The following ICE1 variants were observed in gnomAD, a reference collection of about 807,000 sequenced individuals.
ICE1 encodes the protein little elongation complex subunit 1.
ICE1 carries 64 observed loss-of-function variants against 192.7 expected under a neutral mutation model. The observed-to-expected ratio is 0.33, with a 90% confidence interval of 0.27 to 0.41. The LOEUF is 0.41. ICE1 is among the 10% of genes least tolerant of loss of function. ICE1 has a pLI of 1.00. For synonymous variants in ICE1, 1,010 were observed against 984.5 expected, an observed-to-expected ratio of 1.03 and a Z score of -0.49; for missense variants, 2,708 against 2,696.0, an observed-to-expected ratio of 1.00 and a Z score of -0.10.
chr5:5,435,981 T>G (rs1248530851), intron 1 of ICE1, among the ~76,000 whole-genome samples: 1 of 152,130 alleles, frequency 6.6e-6, no homozygotes, highest in African/African-American at 2.4e-5. Context: ...CCTTATATAT[T>G]TTTTCACTTA....
chr5:5,428,110 A>G (rs983368873), intron 1 of ICE1, among the ~76,000 whole-genome samples: 7 of 152,068 alleles, frequency 4.6e-5, no homozygotes, highest in Non-Finnish European at 8.8e-5. Flanking sequence ...TGAAGCACAG[A>G]GTAAAGGTGG....
chr5:5,461,835 A>T lies in ICE1; in HGVS notation c.2501A>T (p.Lys834Met). 1 of 1,614,028 alleles carries T rather than the reference A, an allele frequency of 6.2e-7. No homozygotes were observed. The highest frequency in any genetic ancestry group is 1.6e-4 in the Middle Eastern group (1 of 6,062). The stretch of plus-strand genomic sequence containing the variant: ...CTACAAAATAGAGGACCAACACCCA[A>T]GCCTGATCTTCTTAGAGAAAATAAC... ...PFLQNRGPTP[K>M]PDLLRENNNP... The change falls in exon 13 of 19, where the codon AAG (lysine) becomes ATG (methionine). Residue 834 changes from lysine (K) to methionine (M), a missense_variant. This residue lies in a region of ICE1 where 2,366 missense variants were observed against 2,276.6 expected (regional missense o/e 1.04). Transcript: ENST00000296564.
intron 1 of ICE1, among the ~76,000 whole-genome samples, chr5:5,427,192 G>A (rs754346641): frequency 1.4e-4 from 21 of 152,058 alleles, no homozygotes; most frequent in African/African-American, 3.6e-4. Flanking sequence ...TCTTTTGCTC[G>A]TAGTCTCACA....
At chr5:5,445,011 C>G (rs1738169605) in intron 7 of ICE1, among the ~76,000 whole-genome samples, 1 of 152,176 alleles carries the variant, frequency 6.6e-6, no homozygotes. Flanking sequence ...GGGGCTCTGC[C>G]AGATCCATCC....
At position 5,464,390 on chromosome 5, in the gene ICE1, G is replaced by C. The variant is rs199981379; in HGVS notation, c.5056G>C (p.Glu1686Gln). 2.1e-4 allele frequency: 342 copies of C among 1,613,686 alleles called. No homozygotes were observed. The highest frequency in any genetic ancestry group is 2.6e-4 in the Non-Finnish European group (306 of 1,179,864). ...GCCTCCTGCCATGTCTCCATGGCCA[G>C]AGGACCCCAGACGTGCCTCTCCTCC... ...PVPPAMSPWP[E>Q]DPRRASPPDP... Residue 1686 changes from glutamate (E) to glutamine (Q), a missense_variant, in exon 13 of 19, where the codon GAG becomes CAG. Transcript: ENST00000296564. The surrounding 1 kb of genome is among the most constrained non-coding windows in gnomAD (Gnocchi z 4.0).
At chr5:5,441,051 C>T in intron 4 of ICE1, 61 bp from the exon 5 acceptor site, 2 of 1,029,894 alleles carry the variant, frequency 1.9e-6, no homozygotes, top group Non-Finnish European at 2.9e-6. Flanking sequence ...ATTATAAGCA[C>T]ATATATTTAA....
intron 3 of ICE1, chr5:5,437,948 T>C (rs2111343258): frequency 6.6e-6 from 1 of 152,368 alleles, no homozygotes; most frequent in East Asian, 1.9e-4. Context: ...TACCTGAACT[T>C]ACATGTCATC....
At chr5:5,455,648 A>G (rs1738561831) in intron 11 of ICE1, among the ~76,000 whole-genome samples, 1 of 152,226 alleles carries the variant, frequency 6.6e-6, no homozygotes, top group Admixed American at 6.5e-5. Context: ...GTAGAAGGGA[A>G]AACATGGTAT....
chr5:5,429,703 T>A (rs1440928064), intron 1 of ICE1, among the ~76,000 whole-genome samples: 1 of 152,212 alleles, frequency 6.6e-6, no homozygotes, highest in African/African-American at 2.4e-5. Context: ...TTCTGTCATG[T>A]CCTCTCAGCT....
rs375789800 is a variant in ICE1 at position 5,461,205 on chromosome 5, T to C, written c.1871T>C (p.Leu624Pro). The C allele has an allele frequency of 2.5e-6, 4 of 1,613,902 alleles. No individual in the cohort carries two copies. The change falls in exon 13 of 19, where the codon CTT (leucine) becomes CCT (proline). Residue 624 changes from leucine to proline, a missense_variant. Around this residue, in one of 2 missense-constraint regions of ICE1, gnomAD observed 2,366 missense variants for 2,276.6 expected, o/e 1.04. Transcript: ENST00000296564. Reference sequence around the variant, plus strand: ...GGTGATGGAATGGATGTAGCAGGGCTTGACATTGAAACCAGTTTTTCTTCC... The same window carrying C: ...GGTGATGGAATGGATGTAGCAGGGCCTGACATTGAAACCAGTTTTTCTTCC... ...DSGDGMDVAG[L>P]DIETSFSSSS...
chr5:5,480,321 C>T (rs1439694720), intron 17 of ICE1, among the ~76,000 whole-genome samples: 2 of 146,842 alleles, frequency 1.4e-5, no homozygotes. Flanking sequence ...ACCATCTCGG[C>T]TCACTGCAAG....
chr5:5,450,023 G>T (rs905615023), intron 10 of ICE1, among the ~76,000 whole-genome samples: 1 of 152,208 alleles, frequency 6.6e-6, no homozygotes, highest in Non-Finnish European at 1.5e-5. Context: ...CACTAAAAAT[G>T]TAGGCTGAAG....
chr5:5,482,877 G>C (rs1319547912), intron 17 of ICE1, among the ~76,000 whole-genome samples: 1 of 151,748 alleles, frequency 6.6e-6, no homozygotes, highest in Non-Finnish European at 1.5e-5. Flanking sequence ...TGCCATTTCT[G>C]AATCTGACCT....
rs746757679 is a variant in ICE1, at chr5:5,473,667, A to G, written c.6332A>G (p.Asp2111Gly). 1.9e-6 allele frequency: 3 copies of G among 1,613,334 alleles called. No individual in the cohort carries two copies. The highest frequency in any genetic ancestry group is 1.7e-6 in the Non-Finnish European group (2 of 1,179,502). ...GAAAAATTTGGTGAAGACCTAAGTG[A>G]TAACACTTGGGAATACATATTTGCC... ...PSEKFGEDLSDNTWEYIFAID... is the reference protein window; with the variant it reads ...PSEKFGEDLSGNTWEYIFAID... Residue 2111 changes from aspartate to glycine, a missense_variant, in exon 16 of 19, where the codon GAT (aspartate) becomes GGT (glycine). By Grantham distance (94) the Asp-to-Gly change is moderately conservative. Transcript: ENST00000296564.
In ICE1 at chr5:5,461,703, C is replaced by T. The variant is rs760612824; in HGVS notation, c.2369C>T (p.Ser790Leu). Residue 790 changes from serine (S) to leucine (L), a missense_variant, in exon 13 of 19, where the codon TCA (serine) becomes TTA (leucine). By Grantham distance (145) the Ser-to-Leu change is moderately radical. This residue lies in a region of ICE1 where 2,366 missense variants were observed against 2,276.6 expected (regional missense o/e 1.04). Coordinates refer to ENST00000296564, the MANE Select transcript of ICE1 (RefSeq NM_015325.3). The part of the protein sequence containing the change: ...KSGLGFVKST[S>L]WHHSDLLRKG... ...GGTTTGGGTTTTGTTAAAAGTACTT[C>T]ATGGCACCATAGTGATTTATTAAGG... The T allele has an allele frequency of 3.0e-5, 48 of 1,613,672 alleles. No homozygotes were observed. The highest frequency in any genetic ancestry group is 3.7e-5 in the Non-Finnish European group (44 of 1,179,816).
intron 6 of ICE1, among the ~76,000 whole-genome samples, chr5:5,443,729 C>G (rs1280906293): frequency 6.6e-6 from 1 of 152,194 alleles, no homozygotes; most frequent in African/African-American, 2.4e-5. Context: ...TCCCCTTGAT[C>G]ATTGAGGTTC....
chr5:5,460,356 T>C, intron 12 of ICE1, 80 bp from the exon 13 acceptor site: 2 of 936,934 alleles, frequency 2.1e-6, no homozygotes, highest in Non-Finnish European at 3.2e-6. Context: ...ACGTGTACTT[T>C]TAAAAAATAA....
At position 5,463,061 on chromosome 5, in the gene ICE1, T is replaced by G. The variant is rs1217747514; in HGVS notation, c.3727T>G (p.Tyr1243Asp). The G allele has an allele frequency of 3.3e-5, 53 of 1,613,640 alleles. No homozygotes were observed. Among genetic ancestry groups the G allele is most frequent in the Non-Finnish European group, 4.4e-5 (52 of 1,179,832 alleles). Residue 1243 changes from tyrosine (Y) to aspartate (D), a missense_variant, in exon 13 of 19, where the codon TAT (tyrosine) becomes GAT (aspartate). Tyr to Asp is a radical substitution (Grantham distance 160). This residue lies in a region of ICE1 where 2,366 missense variants were observed against 2,276.6 expected (regional missense o/e 1.04). Transcript: ENST00000296564. ...EEWIESEEDD[Y>D]SLKNTSQLTQ... ...GTGGATTGAATCAGAGGAAGATGAT[T>G]ATTCGTTAAAAAATACAAGTCAGCT...
At position 5,447,906 on chromosome 5, in the gene ICE1, A is replaced by G. The variant is rs371043981; in HGVS notation, c.604+9A>G. 8 of 1,554,832 alleles carry G rather than the reference A, an allele frequency of 5.1e-6. No individual in the cohort carries two copies. Among genetic ancestry groups the G allele is most frequent in the Non-Finnish European group, 7.0e-6 (8 of 1,145,570 alleles). ...TGGAAGCATAGATAAAAGTGAGTATATTGCAACTTTTGTTTTAATGTTGTG... is the reference window on the plus strand; with the variant it reads ...TGGAAGCATAGATAAAAGTGAGTATGTTGCAACTTTTGTTTTAATGTTGTG... On this transcript the variant is annotated intron_variant, in intron 10 of 18. Transcript: ENST00000296564.
Sources: gnomAD v4.1 joint callset for allele counts (sites outside exome capture counted in the v4.1 genomes callset) on GRCh38, gnomAD v4.1.1 for gene constraint, gnomAD v4.1.1 regional missense constraint, Gnocchi (gnomAD v3.1) non-coding constraint, MANE v1.5 for transcripts, NCBI Gene and HGNC (gene_info 2026-07-23, HGNC 2026-07-21) for gene names.